Variants in VAC14 observed in about 807,000 individuals in gnomAD.
The protein encoded by VAC14 is protein VAC14 homolog.
In VAC14, 47 loss-of-function variants were observed where a neutral mutation model predicts 85.3. That is an observed-to-expected ratio of 0.55 (90% CI 0.44 to 0.70). The LOEUF (loss-of-function observed/expected upper bound fraction) is 0.70, where lower values mean the gene tolerates loss of function less well. Among genes scored for constraint, VAC14 ranks in the 30% least tolerant of loss-of-function variants. VAC14 has a pLI of 0.00. For synonymous variants in VAC14, 447 were observed against 430.5 expected, an observed-to-expected ratio of 1.04 and a Z score of -0.47; for missense variants, 861 against 1,004.3, an observed-to-expected ratio of 0.86 and a Z score of 1.93.
rs13332818 is a variant in VAC14 at position 70,692,792 on chromosome 16, G to A, written c.2186+29C>T. The stretch of plus-strand genomic sequence containing the variant: ...CTGGGCCTGTCCCTGCTCAGGGGGC[G>A]GGGGCAGCAGTCCCCAGCCGGCACT... On this transcript the variant is annotated intron_variant, in intron 18 of 18. Coordinates refer to ENST00000261776, the MANE Select transcript of VAC14 (RefSeq NM_018052.5). 13,288 of 1,584,638 alleles carry A rather than the reference G, an allele frequency of 8.4e-3. 817 individuals are homozygous for A. The African/African-American group carries it at 0.14, about 17-fold the overall frequency.
At chr16:70,738,099 A>G (rs2054819739) in intron 13 of VAC14, among the ~76,000 whole-genome samples, 1 of 152,262 alleles carries the variant, frequency 6.6e-6, no homozygotes. Context: ...TGCTTGGCAC[A>G]GGAAGTGGTC....
intron 1 of VAC14, 52 bp downstream of exon 1, chr16:70,800,745 A>G: frequency 1.3e-6 from 2 of 1,498,840 alleles, no homozygotes; most frequent in African/African-American, 1.4e-5. Flanking sequence ...CCCCCTGGGG[A>G]GCAGAGCAGT....
chr16:70,699,297 G>C (rs959687782), intron 14 of VAC14: 1 of 189,048 alleles, frequency 5.3e-6, no homozygotes, highest in Non-Finnish European at 1.1e-5. Flanking sequence ...AAGCCCCCGA[G>C]GTCAGGGATT....
intron 3 of VAC14, 112 bp downstream of exon 3, chr16:70,785,590 C>T: frequency 1.5e-6 from 2 of 1,305,354 alleles, no homozygotes; most frequent in Non-Finnish European, 2.1e-6. Context: ...CTTGCAGCCA[C>T]ATGCTTGTTT....
At chr16:70,691,194 G>A in intron 18 of VAC14, 1 of 985,536 alleles carries the variant, frequency 1.0e-6, no homozygotes, top group Non-Finnish European at 1.2e-6. Flanking sequence ...TGACTGCTCT[G>A]AGCCTCTGCT....
intron 18 of VAC14, chr16:70,690,298 G>A (rs111903976): frequency 2.0e-6 from 2 of 985,496 alleles, no homozygotes; most frequent in Non-Finnish European, 2.4e-6. Context: ...TGAGCACAGA[G>A]GCCAGGCCCG....
chr16:70,760,913 G>A (rs1338675380), intron 12 of VAC14, among the ~76,000 whole-genome samples: 1 of 150,588 alleles, frequency 6.6e-6, no homozygotes, highest in Non-Finnish European at 1.5e-5. Flanking sequence ...GCAGAACGGG[G>A]CCAAGTCCAC....
intron 1 of VAC14, among the ~76,000 whole-genome samples, chr16:70,794,437 T>C (rs1175802060): frequency 6.6e-6 from 1 of 151,754 alleles, no homozygotes; most frequent in Admixed American, 6.6e-5. Flanking sequence ...TTCAAGGGGC[T>C]TTTTTTTAAA....
chr16:70,775,341 T>C (rs1394927229), intron 9 of VAC14, among the ~76,000 whole-genome samples: 1 of 152,212 alleles, frequency 6.6e-6, no homozygotes, highest in Non-Finnish European at 1.5e-5. Context: ...CTCCCCGGGG[T>C]AGGCAAGTCT....
rs143693981 is a variant in VAC14 at position 70,769,803 on chromosome 16, C to T, written c.1160+2306G>A. ...GCCCCTCTGCAGCCCATGGCTTAAG[C>T]CTACCTCTGCCTTCTCCTAGACCTC... On this transcript the variant is annotated intron_variant, in intron 10 of 18. Coordinates refer to ENST00000261776, the MANE Select transcript of VAC14 (RefSeq NM_018052.5). 1,468 of 152,388 alleles carry T rather than the reference C, an allele frequency of 9.6e-3. 6 individuals are homozygous for T. The highest frequency in any genetic ancestry group is 0.015 in the Non-Finnish European group (1,034 of 68,132). The allele number at this position is 152,388 out of a possible 1,614,324, so 9.4% of individuals were successfully genotyped here. A position where few individuals can be genotyped will look rare whatever the true frequency, so the allele number is the denominator to read the frequency against.
rs748636389 is a variant in VAC14 at position 70,786,375 on chromosome 16, G to A, written c.105-10C>T. ...GAACTCCCGGACCAGCCTGGAGAGA[G>A]AGGAGAGAGGGGCTGTGGGAATCAG... On this transcript the variant is annotated splice_polypyrimidine_tract_variant and intron_variant, in intron 1 of 18. Coordinates refer to ENST00000261776, the MANE Select transcript of VAC14 (RefSeq NM_018052.5). The A allele has an allele frequency of 6.2e-7, 1 of 1,612,438 alleles. No individual in the cohort carries two copies. The highest frequency in any genetic ancestry group is 1.1e-5 in the South Asian group (1 of 91,032).
At chr16:70,711,756 G>A (rs111831803) in intron 14 of VAC14, among the ~76,000 whole-genome samples, 61 of 152,298 alleles carry the variant, frequency 4.0e-4, no homozygotes, top group African/African-American at 1.4e-3. Flanking sequence ...CACATCTTTA[G>A]TCCAGGGGTT....
Position 70,698,763 on chromosome 16 carries a change from T to A in VAC14, c.1710A>T (p.Ala570=). ...GGTCCTCCTCCCGCAGCAGGATGTC[T>A]GCCATTGAGTGGAAGATGTTCTCCG... ...LNAENIFHSM[A]DILLREEDLK... The change falls in exon 15 of 19, where the codon GCA becomes GCT. Residue 570 remains alanine, a synonymous_variant. Transcript: ENST00000261776. 1 of 1,614,152 alleles carries A rather than the reference T, an allele frequency of 6.2e-7. No individual in the cohort carries two copies. The highest frequency in any genetic ancestry group is 8.5e-7 in the Non-Finnish European group (1 of 1,180,018).
intron 18 of VAC14, chr16:70,691,605 C>G (rs1434498563): frequency 2.0e-6 from 2 of 985,520 alleles, no homozygotes; most frequent in Non-Finnish European, 2.4e-6. Flanking sequence ...GCACCCTGAG[C>G]AGCTGGGGTG....
rs979602661 is a variant in VAC14 at position 70,701,529 on chromosome 16, C to T, written c.1662-2718G>A. On this transcript the variant is annotated intron_variant, in intron 14 of 18. Transcript: ENST00000261776. ...GCACAACCTACACGGCCACCCTGCC[C>T]CACACACCCGCCCCCATGCCTAGGG... Among the ~76,000 whole-genome samples, 9 of 152,152 alleles carry T rather than the reference C, an allele frequency of 5.9e-5. No individual in the cohort carries two copies. In the South Asian group the frequency reaches 1.7e-3, roughly 28 times the overall value.
intron 13 of VAC14, among the ~76,000 whole-genome samples, chr16:70,736,908 C>T (rs866271350): frequency 1.7e-5 from 2 of 118,468 alleles, no homozygotes; most frequent in East Asian, 2.6e-4. Context: ...GCAGGGAGGG[C>T]GGGCTGGACA....
At chr16:70,777,032 C>T (rs2033555964) in intron 9 of VAC14, among the ~76,000 whole-genome samples, 1 of 152,246 alleles carries the variant, frequency 6.6e-6, no homozygotes. Flanking sequence ...TGGTCTCGAA[C>T]TCCTGACCTC....
intron 13 of VAC14, among the ~76,000 whole-genome samples, chr16:70,742,857 A>T (rs1357773404): frequency 3.3e-5 from 5 of 152,246 alleles, no homozygotes; most frequent in Admixed American, 3.3e-4. Context: ...TCAAAGTGAG[A>T]GGTGAAGGCA....
intron 9 of VAC14, chr16:70,779,249 T>C (rs949062013): frequency 1.3e-5 from 2 of 152,062 alleles, no homozygotes; most frequent in African/African-American, 4.8e-5. Flanking sequence ...TGGGAGGAGG[T>C]GGGGCATGCA....
Sources: allele counts gnomAD v4.1 joint callset (sites outside exome capture counted in the v4.1 genomes callset), GRCh38; gene constraint gnomAD v4.1.1; transcripts MANE v1.5; gene names NCBI Gene and HGNC (gene_info 2026-07-23, HGNC 2026-07-21).